The following GPC5 variants were observed in gnomAD, a reference collection of about 807,000 sequenced individuals.
GPC5 encodes the protein glypican 5.
Under a neutral mutation model 53.9 loss-of-function variants are expected in GPC5, and 47 were observed. That is an observed-to-expected ratio of 0.87 (90% CI 0.69 to 1.11). The LOEUF (loss-of-function observed/expected upper bound fraction) is 1.11. Among genes scored for constraint, GPC5 ranks in the 50% most tolerant of loss-of-function variants. GPC5 has a pLI of 0.00. For synonymous variants in GPC5, 286 were observed against 263.3 expected (o/e 1.09, Z -0.84); for missense variants, 748 against 713.1 (o/e 1.05, Z -0.56).
At chr13:92,664,033 C>T (rs61975924) in intron 7 of GPC5, among the ~76,000 whole-genome samples, 35,862 of 150,808 alleles carry the variant, frequency 0.24, 4,950 homozygotes, top group South Asian at 0.39. Context: ...GATTGCGCCA[C>T]TGCACTCCAG....
intron 6 of GPC5, among the ~76,000 whole-genome samples, chr13:92,057,329 G>A (rs2041083477): frequency 6.6e-6 from 1 of 152,056 alleles, no homozygotes; most frequent in Non-Finnish European, 1.5e-5. Context: ...AAAACACAAA[G>A]ACTTCTTAAA....
intron 7 of GPC5, among the ~76,000 whole-genome samples, chr13:92,595,715 C>G (rs1053977936): frequency 1.2e-4 from 16 of 131,010 alleles, no homozygotes; most frequent in Non-Finnish European, 2.0e-4. Flanking sequence ...TTGCAGTGAG[C>G]AGAGATCGCG....
intron 2 of GPC5, among the ~76,000 whole-genome samples, chr13:91,514,364 G>A (rs1885387049): frequency 6.6e-6 from 1 of 152,100 alleles, no homozygotes; most frequent in Non-Finnish European, 1.5e-5. Context: ...GCTATCTCAT[G>A]TGTTTAATTT....
chr13:92,109,064 T>TA (rs1227622572), intron 6 of GPC5, among the ~76,000 whole-genome samples: 1 of 133,102 alleles, frequency 7.5e-6, no homozygotes, highest in Non-Finnish European at 1.5e-5. Context: ...TATGTTGGTT[T>TA]TTTTTTTTTT....
At chr13:91,956,994 A>G (rs1485312281) in intron 6 of GPC5, among the ~76,000 whole-genome samples, 1 of 152,144 alleles carries the variant, frequency 6.6e-6, no homozygotes, top group African/African-American at 2.4e-5. Context: ...AAATTTTTGA[A>G]AACCAAGAAA....
In GPC5 at chr13:91,903,031, C is replaced by CTTT. The variant is rs3029748; in HGVS notation, c.1281-4896_1281-4894dup. On this transcript the variant is annotated intron_variant, in intron 5 of 7. Transcript: ENST00000377067. ...CAAATCTTAACTGTACAGCTCAGTA[C>CTTT]TTTTTTTTTTTTAACAAACTTAGCA... Among the ~76,000 whole-genome samples, 469 of 148,242 alleles carry CTTT rather than the reference C, an allele frequency of 3.2e-3. 2 individuals are homozygous for CTTT. Among genetic ancestry groups the CTTT allele is most frequent in the East Asian group, 0.016 (81 of 5,044 alleles).
At chr13:91,508,560 G>A (rs533873708) in intron 2 of GPC5, among the ~76,000 whole-genome samples, 2 of 152,286 alleles carry the variant, frequency 1.3e-5, no homozygotes, top group African/African-American at 4.8e-5. Context: ...TTTTAACTCA[G>A]TAGAAGGAGG....
intron 5 of GPC5, among the ~76,000 whole-genome samples, chr13:91,845,934 G>A (rs2038844201): frequency 6.6e-6 from 1 of 152,064 alleles, no homozygotes; most frequent in Non-Finnish European, 1.5e-5. Flanking sequence ...TGCCTCATGG[G>A]GGATTATTAG....
At chr13:91,890,849 G>T (rs964961173) in intron 5 of GPC5, among the ~76,000 whole-genome samples, 1 of 152,086 alleles carries the variant, frequency 6.6e-6, no homozygotes, top group Non-Finnish European at 1.5e-5. Flanking sequence ...AGGAGTAGAA[G>T]TCTCATTGTG....
rs1236962101 is a variant in GPC5, at chr13:91,738,794, ACCCTCTT to A, written c.1154+10134_1154+10140del. ...AAACTTAGGATAGTTTCACTCCATT[ACCCTCTT>A]CCCTTTTTTTATGCTATTTTACCAA... On this transcript the variant is annotated intron_variant, in intron 4 of 7. Transcript: ENST00000377067. 3.3e-5 allele frequency among the ~76,000 whole-genome samples: 5 copies of A among 151,376 alleles called. No homozygotes were observed. The East Asian group carries it at 9.7e-4, about 29-fold the overall frequency.
rs973628936 is a variant in GPC5, at chr13:91,561,336, A to G, written c.325+112414A>G. Among the ~76,000 whole-genome samples the G allele has an allele frequency of 1.4e-4, 21 of 152,146 alleles. 1 individual carries two copies. The highest frequency in any genetic ancestry group is 5.1e-4 in the African/African-American group (21 of 41,452). ...AGCCCCTGGAATTTCACTTAACTCT[A>G]CCCCAATAGCAAACCAGAAGCAATA... is the stretch of plus-strand genomic sequence containing the variant. On this transcript the variant is annotated intron_variant, in intron 2 of 7. Transcript: ENST00000377067.
intron 7 of GPC5, among the ~76,000 whole-genome samples, chr13:92,666,349 G>A (rs1454568422): frequency 2.0e-5 from 3 of 152,012 alleles, no homozygotes; most frequent in African/African-American, 7.2e-5. Context: ...ATTCAAGATT[G>A]CTAAGTTAAG....
intron 7 of GPC5, among the ~76,000 whole-genome samples, chr13:92,463,292 G>A (rs1006766175): frequency 8.5e-5 from 13 of 152,188 alleles, no homozygotes; most frequent in African/African-American, 2.9e-4. Flanking sequence ...TGCAGCACAC[G>A]CGATGCCAAC....
intron 6 of GPC5, among the ~76,000 whole-genome samples, chr13:92,044,624 T>G (rs2040967098): frequency 6.6e-6 from 1 of 152,220 alleles, no homozygotes; most frequent in South Asian, 2.1e-4. Flanking sequence ...AATTGTAGTT[T>G]TTTCTGTCTG....
chr13:91,824,370 T>C (rs1484118453), intron 5 of GPC5, among the ~76,000 whole-genome samples: 1 of 152,008 alleles, frequency 6.6e-6, no homozygotes, highest in African/African-American at 2.4e-5. Context: ...AAAGAAAGTC[T>C]AGGAAGCATT....
At chr13:91,813,131 T>C (rs1040848857) in intron 5 of GPC5, among the ~76,000 whole-genome samples, 10 of 152,242 alleles carry the variant, frequency 6.6e-5, no homozygotes, top group African/African-American at 2.4e-4. Flanking sequence ...TTATAAAGGT[T>C]TCTTTTGATC....
chr13:92,520,704 C>T (rs745917246), intron 7 of GPC5, among the ~76,000 whole-genome samples: 1 of 152,084 alleles, frequency 6.6e-6, no homozygotes, highest in Non-Finnish European at 1.5e-5. Context: ...GGAAGCATTC[C>T]CTTGGAAAAC....
chr13:91,517,878 G>A (rs1885588878), intron 2 of GPC5, among the ~76,000 whole-genome samples: 1 of 152,166 alleles, frequency 6.6e-6, no homozygotes, highest in African/African-American at 2.4e-5. Flanking sequence ...CAGATCTTGT[G>A]AGACTTATTT....
At chr13:91,597,841 CTG>C in intron 2 of GPC5, among the ~76,000 whole-genome samples, 1 of 152,188 alleles carries the variant, frequency 6.6e-6, no homozygotes, top group Admixed American at 6.5e-5. Context: ...GTTTGCTACT[CTG>C]AGTTCTCTGT....
Sources: allele counts gnomAD v4.1 joint callset (sites outside exome capture counted in the v4.1 genomes callset), GRCh38; gene constraint gnomAD v4.1.1; transcripts MANE v1.5; gene names NCBI Gene and HGNC (gene_info 2026-07-23, HGNC 2026-07-21).